ARHGAP42: variants seen among roughly 807,000 people sequenced by gnomAD.
ARHGAP42 encodes the protein rho GTPase-activating protein 42.
In ARHGAP42, 63 loss-of-function variants were observed where a neutral mutation model predicts 125.0. That is an observed-to-expected ratio of 0.50 (90% CI 0.41 to 0.62). ARHGAP42 has a LOEUF of 0.62. Ranked by LOEUF, ARHGAP42 falls within the 20% of genes least tolerant of loss-of-function variation. The pLI is 0.00. For synonymous variants in ARHGAP42, 339 were observed against 351.0 expected (o/e 0.97, Z 0.38); for missense variants, 766 against 1,024.2 (o/e 0.75, Z 3.44).
intron 1 of ARHGAP42, among the ~76,000 whole-genome samples, chr11:100,713,535 AAATT>A (rs1376964944): frequency 6.6e-6 from 1 of 152,228 alleles, no homozygotes; most frequent in Non-Finnish European, 1.5e-5. Context: ...TGTGATAATT[AAATT>A]AATTCATTTT....
Position 100,944,900 on chromosome 11 carries a change from A to T in ARHGAP42, c.1043+1032A>T, listed in dbSNP as rs553517172. Among the ~76,000 whole-genome samples the T allele has an allele frequency of 2.6e-5, 4 of 152,122 alleles. No homozygotes were observed. The East Asian group carries it at 7.8e-4, about 30-fold the overall frequency. On this transcript the variant is annotated intron_variant, in intron 10 of 23. Coordinates refer to ENST00000298815, the MANE Select transcript of ARHGAP42 (RefSeq NM_152432.4). ...GGGGTGGCTGTGGCCATTTTCTTAA[A>T]ATGAGACAGCAATAAAGTTTGCCAC...
At chr11:100,900,946 C>G (rs551046577) in intron 4 of ARHGAP42, among the ~76,000 whole-genome samples, 4 of 152,040 alleles carry the variant, frequency 2.6e-5, no homozygotes, top group African/African-American at 9.7e-5. Flanking sequence ...CGAGGAGCTG[C>G]GATCTTTTGG....
chr11:100,776,236 A>G (rs770985940), intron 2 of ARHGAP42, among the ~76,000 whole-genome samples: 1 of 152,202 alleles, frequency 6.6e-6, no homozygotes, highest in Non-Finnish European at 1.5e-5. Context: ...ATATGAGGCA[A>G]AGTTTATTCA....
At chr11:100,725,720 G>A (rs1861845422) in intron 1 of ARHGAP42, among the ~76,000 whole-genome samples, 1 of 151,842 alleles carries the variant, frequency 6.6e-6, no homozygotes, top group Non-Finnish European at 1.5e-5. Flanking sequence ...GGCGGATCAC[G>A]AAGTCAGGAG....
chr11:100,842,069 G>C (rs1038601725), intron 3 of ARHGAP42, among the ~76,000 whole-genome samples: 21 of 152,148 alleles, frequency 1.4e-4, no homozygotes, highest in Non-Finnish European at 2.1e-4. Flanking sequence ...AAAGATTGAA[G>C]TATTGCAAAC....
chr11:100,838,560 G>A (rs553508248), intron 3 of ARHGAP42, among the ~76,000 whole-genome samples: 3 of 152,102 alleles, frequency 2.0e-5, no homozygotes, highest in African/African-American at 7.2e-5. Context: ...AAAAAAATTA[G>A]CCAGGCATGG....
At chr11:100,743,218 A>G (rs1862225294) in intron 1 of ARHGAP42, among the ~76,000 whole-genome samples, 1 of 152,146 alleles carries the variant, frequency 6.6e-6, no homozygotes. Context: ...CTTTTGTTTC[A>G]GGATTTAGAA....
chr11:100,713,853 G>A (rs549717403), intron 1 of ARHGAP42, among the ~76,000 whole-genome samples: 3 of 152,106 alleles, frequency 2.0e-5, no homozygotes, highest in South Asian at 2.1e-4. Flanking sequence ...GAGCAAATTC[G>A]TTGCATTTTG....
At chr11:100,813,047 G>A (rs1195195464) in intron 3 of ARHGAP42, among the ~76,000 whole-genome samples, 2 of 152,184 alleles carry the variant, frequency 1.3e-5, no homozygotes, top group Non-Finnish European at 2.9e-5. Context: ...GAAAGTAGTG[G>A]AAGTGGTAGA....
Position 100,704,969 on chromosome 11 carries a change from GCCTGAGTGA to G in ARHGAP42, c.154+17138_154+17146del, listed in dbSNP as rs1419234604. Among the ~76,000 whole-genome samples, 480 of 60,562 alleles carry G rather than the reference GCCTGAGTGA, an allele frequency of 7.9e-3. 4 individuals are homozygous for G. The highest frequency in any genetic ancestry group is 0.035 in the African/African-American group (458 of 13,092). 39.7% of individuals were successfully genotyped at this position (60,562 alleles called of 152,430 possible). On this transcript the variant is annotated intron_variant, in intron 1 of 23. Coordinates refer to ENST00000298815, the MANE Select transcript of ARHGAP42 (RefSeq NM_152432.4). Reference sequence around the variant, plus strand: ...CCACAGCCTGGGTGAGCCTGGGTGAGCCTGAGTGAGCCTGGGTGAGCCAAACCCCAACAA... The same window carrying G: ...CCACAGCCTGGGTGAGCCTGGGTGAGGCCTGGGTGAGCCAAACCCCAACAA...
intron 4 of ARHGAP42, among the ~76,000 whole-genome samples, chr11:100,881,576 A>G (rs539197600): frequency 6.6e-6 from 1 of 152,196 alleles, no homozygotes; most frequent in South Asian, 2.1e-4. Flanking sequence ...TTTTGGTTCC[A>G]TATGAATTTT....
Position 100,976,819 on chromosome 11 carries a change from CAA to C in ARHGAP42, c.2242_2243del (p.Lys748GlufsTer59), listed in dbSNP as rs1858404463. 1 of 1,549,848 alleles carries C rather than the reference CAA, an allele frequency of 6.5e-7. No individual in the cohort carries two copies. The highest frequency in any genetic ancestry group is 8.7e-7 in the Non-Finnish European group (1 of 1,146,546). On this transcript the variant is annotated frameshift_variant, in exon 21 of 24. Transcript: ENST00000298815. LOFTEE classifies it high-confidence loss of function. Reference protein sequence around the residue: ...LRSISAAEGNKSYSGSIQSLT... With the variant: ...LRSISAAEGNXSYSGSIQSLT... ...TTTCTTGGGCTTTCTTTTTAGGAAACAAGAGCTACAGTGGATCTATTCAAAGC... is the reference window on the plus strand; with the variant it reads ...TTTCTTGGGCTTTCTTTTTAGGAAACGAGCTACAGTGGATCTATTCAAAGC...
At position 100,863,079 on chromosome 11, in the gene ARHGAP42, C is replaced by CACACACA. The variant is rs112234347; in HGVS notation, c.384+3457_384+3458insCACAACA. On this transcript the variant is annotated intron_variant, in intron 4 of 23. Coordinates refer to ENST00000298815, the MANE Select transcript of ARHGAP42 (RefSeq NM_152432.4). ...CACAAAACACACACACACACACACACACAACAACAAAAAAAAGGCATGTTC... is the reference window on the plus strand; with the variant it reads ...CACAAAACACACACACACACACACACACACACAACAACAACAAAAAAAAGGCATGTTC... 6.9e-3 allele frequency among the ~76,000 whole-genome samples: 762 copies of CACACACA among 110,434 alleles called. 10 individuals carry two copies. Among genetic ancestry groups the CACACACA allele is most frequent in the African/African-American group, 0.028 (727 of 25,768 alleles). The allele number at this position is 110,434 out of a possible 152,430, so 72.4% of individuals were successfully genotyped here. A position where few individuals can be genotyped will look rare whatever the true frequency, so the allele number is the denominator to read the frequency against.
intron 4 of ARHGAP42, among the ~76,000 whole-genome samples, chr11:100,877,125 C>T (rs1865839601): frequency 8.2e-6 from 1 of 122,204 alleles, no homozygotes; most frequent in Admixed American, 7.7e-5. Context: ...CTCTTAAAGC[C>T]AAATTCTTGT....
intron 4 of ARHGAP42, among the ~76,000 whole-genome samples, chr11:100,908,892 C>T (rs536671524): frequency 2.0e-5 from 3 of 152,122 alleles, no homozygotes; most frequent in Non-Finnish European, 2.9e-5. Flanking sequence ...TCTGCAGTCT[C>T]GCCAGCATCT....
chr11:100,839,607 A>T (rs1430183978), intron 3 of ARHGAP42: 1 of 152,152 alleles, frequency 6.6e-6, no homozygotes, highest in Non-Finnish European at 1.5e-5. Flanking sequence ...GTTAAGTTTT[A>T]TGTCAAATAA....
At chr11:100,959,728 C>A (rs1591322938) in intron 12 of ARHGAP42, 155 bp from the exon 13 acceptor site, 2 of 635,408 alleles carry the variant, frequency 3.1e-6, no homozygotes, top group African/African-American at 1.8e-5. Context: ...CTACTTCTAC[C>A]CCAAAATAAA....
chr11:100,978,823 A>G (rs975471136), intron 21 of ARHGAP42, among the ~76,000 whole-genome samples, 164 bp from the exon 22 acceptor site: 2 of 152,208 alleles, frequency 1.3e-5, no homozygotes, highest in Non-Finnish European at 2.9e-5. Flanking sequence ...TAGATCTAAA[A>G]ATCTCATTGA....
chr11:100,795,119 G>T lies in ARHGAP42; in HGVS notation c.265G>T (p.Glu89Ter). 6.5e-7 allele frequency: 1 copy of T among 1,546,324 alleles called. No individual in the cohort carries two copies. Among genetic ancestry groups the T allele is most frequent in the Non-Finnish European group, 8.7e-7 (1 of 1,144,848 alleles). Residue 89 changes from glutamate (E) to a stop codon, truncating the protein, a stop_gained, in exon 3 of 24, where the codon GAA (glutamate) becomes TAA (stop). Transcript: ENST00000298815. LOFTEE classifies it high-confidence loss of function. The part of the protein sequence containing the change: ...DEISIAQSLK[E>*]FARLLIAVEE... ...TTTCCAAACAGCTCAGTCACTAAAA[G>T]AATTTGCAAGACTACTCATTGCAGT...
Sources: allele counts gnomAD v4.1 joint callset (sites outside exome capture counted in the v4.1 genomes callset), GRCh38; gene constraint gnomAD v4.1.1; transcripts MANE v1.5; gene names NCBI Gene and HGNC (gene_info 2026-07-23, HGNC 2026-07-21).